COL10A1: variants seen among roughly 807,000 people sequenced by gnomAD.
COL10A1 encodes collagen alpha-1(X) chain.
Under a neutral mutation model 18.2 loss-of-function variants are expected in COL10A1, and 10 were observed. That is an observed-to-expected ratio of 0.55 (90% CI 0.34 to 0.93). COL10A1 has a LOEUF of 0.93. Among genes scored for constraint, COL10A1 ranks in the 40% least tolerant of loss-of-function variants. The probability of loss-of-function intolerance (pLI) is 0.02; values close to 1 mark genes in which losing one functional copy is unlikely to be tolerated. For synonymous variants in COL10A1, 330 were observed against 316.6 expected (o/e 1.04, Z -0.45); for missense variants, 897 against 853.5 (o/e 1.05, Z -0.64).
chr6:116,198,737 A>AT, the COL10A1 span, among the ~76,000 whole-genome samples: 1 of 151,588 alleles, frequency 6.6e-6, no homozygotes. Flanking sequence ...TCTAAACAAT[A>AT]TTTTTTTAAA....
At chr6:116,199,393 A>G in the COL10A1 span, among the ~76,000 whole-genome samples, 4 of 152,094 alleles carry the variant, frequency 2.6e-5, no homozygotes, top group Non-Finnish European at 5.9e-5. Context: ...TTATTCCAAC[A>G]CTGCTATTAT....
the COL10A1 span, among the ~76,000 whole-genome samples, chr6:116,168,178 T>A: frequency 3.3e-5 from 5 of 151,028 alleles, no homozygotes; most frequent in Non-Finnish European, 7.4e-5. Flanking sequence ...AGCCATTATC[T>A]CTAAAAATAT....
At chr6:116,186,315 T>C in the COL10A1 span, among the ~76,000 whole-genome samples, 14 of 151,536 alleles carry the variant, frequency 9.2e-5, no homozygotes, top group South Asian at 2.1e-4. Context: ...TTTTTTTTTT[T>C]CATCTTCACT....
chr6:116,154,790 C>G (rs1562141808), intron 1 of COL10A1, among the ~76,000 whole-genome samples: 1 of 152,124 alleles, frequency 6.6e-6, no homozygotes, highest in Non-Finnish European at 1.5e-5. Flanking sequence ...TTGTTTACGC[C>G]TCAGGATTAA....
chr6:116,153,442 GTC>G (rs1051221965), intron 1 of COL10A1, among the ~76,000 whole-genome samples: 1 of 152,054 alleles, frequency 6.6e-6, no homozygotes, highest in African/African-American at 2.4e-5. Flanking sequence ...GTTTTATAGA[GTC>G]TCTATTCCAC....
chr6:116,129,947 A>G (rs1009192389), upstream of COL10A1, among the ~76,000 whole-genome samples: 2 of 152,182 alleles, frequency 1.3e-5, no homozygotes, highest in African/African-American at 4.8e-5. Flanking sequence ...CAGCACACAC[A>G]AATACATTTT....
At chr6:116,176,460 G>T in the COL10A1 span, among the ~76,000 whole-genome samples, 2 of 152,136 alleles carry the variant, frequency 1.3e-5, no homozygotes, top group African/African-American at 2.4e-5. Context: ...CTGCTTTACT[G>T]GTTCTCCTCC....
At chr6:116,171,447 G>A in the COL10A1 span, among the ~76,000 whole-genome samples, 2 of 152,272 alleles carry the variant, frequency 1.3e-5, no homozygotes, top group East Asian at 3.9e-4. Context: ...CTGTGCAAGT[G>A]TTAGTGGTGG....
chr6:116,197,476 C>T, the COL10A1 span, among the ~76,000 whole-genome samples: 14 of 152,030 alleles, frequency 9.2e-5, no homozygotes, highest in Admixed American at 8.5e-4. Flanking sequence ...TCTTGACCTT[C>T]ACCACCTTTT....
chr6:116,150,266 G>GTT (rs201650607), intron 1 of COL10A1, among the ~76,000 whole-genome samples: 4 of 149,222 alleles, frequency 2.7e-5, no homozygotes, highest in Admixed American at 6.7e-5. Flanking sequence ...TAAGAAAATG[G>GTT]TTTTTTTTTT....
At chr6:116,166,579 TTTAC>T in the COL10A1 span, among the ~76,000 whole-genome samples, 1 of 152,186 alleles carries the variant, frequency 6.6e-6, no homozygotes, top group Non-Finnish European at 1.5e-5. Flanking sequence ...TCGATCTCCA[TTTAC>T]CCAGTTTCCC....
At position 116,146,737 on chromosome 6, in the gene COL10A1, G is replaced by A. The variant is rs72952000; in HGVS notation, c.-16+11877C>T. On this transcript the variant is annotated intron_variant, in intron 1 of 1. Transcript: ENST00000418500. ...AGTGTCATGGTATTCAAACTGAATA[G>A]AAAGTTCAGAAATAGACCCAAAAAG... Among the ~76,000 whole-genome samples, 1,231 of 152,062 alleles carry A rather than the reference G, an allele frequency of 8.1e-3. 6 individuals are homozygous for A. The highest frequency in any genetic ancestry group is 0.017 in the Middle Eastern group (5 of 294).
At chr6:116,129,208 A>G (rs542678741), upstream of COL10A1, among the ~76,000 whole-genome samples, 1 of 152,356 alleles carries the variant, frequency 6.6e-6, no homozygotes, top group African/African-American at 2.4e-5. Flanking sequence ...ACATACATAT[A>G]TAGACATGTA....
At chr6:116,193,089 T>C in the COL10A1 span, among the ~76,000 whole-genome samples, 2 of 152,106 alleles carry the variant, frequency 1.3e-5, no homozygotes, top group Non-Finnish European at 2.9e-5. Flanking sequence ...CAGACTCTCA[T>C]ATATTACCTG....
the COL10A1 span, among the ~76,000 whole-genome samples, chr6:116,191,587 C>T: frequency 2.6e-5 from 4 of 152,020 alleles, no homozygotes; most frequent in Admixed American, 6.6e-5. Context: ...CTTTTCTCCT[C>T]AAGGTACGTG....
At chr6:116,135,260 A>G (rs1779559862) in intron 1 of COL10A1, among the ~76,000 whole-genome samples, 1 of 152,200 alleles carries the variant, frequency 6.6e-6, no homozygotes, top group Non-Finnish European at 1.5e-5. Flanking sequence ...TGAGTATTAG[A>G]TAAATATTTT....
At chr6:116,184,264 T>C in the COL10A1 span, among the ~76,000 whole-genome samples, 6 of 152,132 alleles carry the variant, frequency 3.9e-5, no homozygotes, top group Admixed American at 1.3e-4. Flanking sequence ...TTGATCATGA[T>C]TGATAATCTT....
intron 2 of COL10A1, among the ~76,000 whole-genome samples, chr6:116,122,529 G>A (rs1562125714): frequency 6.6e-6 from 1 of 152,108 alleles, no homozygotes; most frequent in Middle Eastern, 3.2e-3. Flanking sequence ...AAGAACTAGA[G>A]AATTAGACAT....
chr6:116,135,419 C>CA (rs967412301), intron 1 of COL10A1, among the ~76,000 whole-genome samples: 6 of 151,856 alleles, frequency 4.0e-5, no homozygotes, highest in Non-Finnish European at 7.4e-5. Flanking sequence ...CCGCCCCCCC[C>CA]ACCTTTTTAT....
Sources: gnomAD v4.1 joint callset for allele counts (sites outside exome capture counted in the v4.1 genomes callset) on GRCh38, gnomAD v4.1.1 for gene constraint, MANE v1.5 for transcripts, NCBI Gene and HGNC (gene_info 2026-07-23, HGNC 2026-07-21) for gene names.